The following WWOX variants were observed in gnomAD, a reference collection of about 807,000 sequenced individuals.
WWOX encodes WW domain containing oxidoreductase, also known as WW domain-containing oxidoreductase.
Under a neutral mutation model 46.2 loss-of-function variants are expected in WWOX, and 69 were observed. The observed-to-expected ratio is 1.49, with a 90% CI of 1.23 to 1.82. The LOEUF (loss-of-function observed/expected upper bound fraction) is 1.82. Among genes scored for constraint, WWOX ranks in the 40% most tolerant of loss-of-function variants. The pLI is 0.00. For missense variants in WWOX, 919 were observed against 542.6 expected (o/e 1.69, Z -6.89); for synonymous variants, 359 against 202.6 (o/e 1.77, Z -6.56).
intron 8 of WWOX, among the ~76,000 whole-genome samples, chr16:78,494,395 A>T (rs1273416568): frequency 6.6e-6 from 1 of 152,198 alleles, no homozygotes; most frequent in African/African-American, 2.4e-5. Flanking sequence ...AAAGTTGGCA[A>T]CCAGAGGCTT....
chr16:78,536,023 T>C (rs1406415513), intron 8 of WWOX, among the ~76,000 whole-genome samples: 1 of 152,238 alleles, frequency 6.6e-6, no homozygotes, highest in Non-Finnish European at 1.5e-5. Context: ...TAGTCTTGGC[T>C]GTGGGAGCCA....
At chr16:78,726,180 C>T (rs184215562) in intron 8 of WWOX, among the ~76,000 whole-genome samples, 4 of 145,324 alleles carry the variant, frequency 2.8e-5, no homozygotes, top group Non-Finnish European at 6.0e-5. Context: ...TCTTTTCTCT[C>T]TCTCTCTCTT....
At chr16:78,599,032 A>G (rs1235106951) in intron 8 of WWOX, among the ~76,000 whole-genome samples, 1 of 152,172 alleles carries the variant, frequency 6.6e-6, no homozygotes, top group African/African-American at 2.4e-5. Flanking sequence ...CTAAGTTTGA[A>G]CAATCAAACT....
At chr16:78,542,497 G>C (rs1005824467) in intron 8 of WWOX, among the ~76,000 whole-genome samples, 4 of 152,078 alleles carry the variant, frequency 2.6e-5, no homozygotes, top group Non-Finnish European at 4.4e-5. Flanking sequence ...AAAGCTGAGA[G>C]CAAACCACAT....
chr16:79,014,588 C>A (rs115764361), intron 8 of WWOX, among the ~76,000 whole-genome samples: 5,127 of 152,278 alleles, frequency 0.034, 306 homozygotes, highest in African/African-American at 0.12. Context: ...AACAACCCAA[C>A]TCCTAGCCAC....
chr16:78,437,658 A>T lies in WWOX; in HGVS notation c.1056+4906A>T, dbSNP rs553930269. Among the ~76,000 whole-genome samples the T allele has an allele frequency of 7.7e-4, 117 of 152,256 alleles. 1 individual carries two copies. Among genetic ancestry groups the T allele is most frequent in the South Asian group, 1.7e-3 (8 of 4,824 alleles). ...GTTTGTTTCTTCCTCCCTTCAATTT[A>T]TGGTGAAATAAAAATCACAGATAAA... is the stretch of plus-strand genomic sequence containing the variant. On this transcript the variant is annotated intron_variant, in intron 8 of 8. Transcript: ENST00000566780.
intron 8 of WWOX, among the ~76,000 whole-genome samples, chr16:78,622,266 G>C (rs2046207797): frequency 6.6e-6 from 1 of 151,966 alleles, no homozygotes; most frequent in African/African-American, 2.4e-5. Context: ...CTTGTGGCTG[G>C]TCGCAGTGGC....
At chr16:79,170,298 G>C (rs2050675342) in intron 8 of WWOX, among the ~76,000 whole-genome samples, 1 of 152,154 alleles carries the variant, frequency 6.6e-6, no homozygotes, top group Admixed American at 6.5e-5. Context: ...TGAGGAAATA[G>C]AGGATCAGAG....
intron 8 of WWOX, among the ~76,000 whole-genome samples, chr16:78,633,785 C>T (rs917450231): frequency 3.9e-5 from 6 of 152,218 alleles, no homozygotes; most frequent in South Asian, 2.1e-4. Context: ...CTGTGGTGTG[C>T]GGTGCAACCC....
intron 8 of WWOX, among the ~76,000 whole-genome samples, chr16:78,652,052 C>T (rs1241986568): frequency 6.6e-6 from 1 of 152,016 alleles, no homozygotes; most frequent in Non-Finnish European, 1.5e-5. Context: ...AAGGAAGTAC[C>T]TATGAGGCCT....
At chr16:78,106,747 G>A (rs976173627) in intron 1 of WWOX, among the ~76,000 whole-genome samples, 3 of 152,132 alleles carry the variant, frequency 2.0e-5, no homozygotes, top group Non-Finnish European at 4.4e-5. Flanking sequence ...AGTGATATTG[G>A]ATGGTGGTTG....
chr16:78,796,912 G>A lies in WWOX; in HGVS notation c.1056+364160G>A, dbSNP rs116668009. On this transcript the variant is annotated intron_variant, in intron 8 of 8. Transcript: ENST00000566780. ...GCGATCTCGGCTCACTGCAAATTCT[G>A]CCTGCTAAGATCAACTGATTCTCCT... 7.4e-3 allele frequency among the ~76,000 whole-genome samples: 1,106 copies of A among 149,854 alleles called. 19 individuals carry two copies. Among genetic ancestry groups the A allele is most frequent in the African/African-American group, 0.026 (1,044 of 40,620 alleles).
At chr16:78,975,218 A>T (rs910723643) in intron 8 of WWOX, among the ~76,000 whole-genome samples, 1 of 152,210 alleles carries the variant, frequency 6.6e-6, no homozygotes, top group South Asian at 2.1e-4. Context: ...CATCTGGTTC[A>T]AGGGTTCTCA....
chr16:78,643,378 C>G (rs1431500563), intron 8 of WWOX, among the ~76,000 whole-genome samples: 1 of 152,160 alleles, frequency 6.6e-6, no homozygotes, highest in African/African-American at 2.4e-5. Flanking sequence ...GTAACTGTTG[C>G]AAATTTCCAG....
chr16:79,061,104 A>G (rs1191358054), intron 8 of WWOX, among the ~76,000 whole-genome samples: 2 of 152,192 alleles, frequency 1.3e-5, no homozygotes, highest in Admixed American at 1.3e-4. Flanking sequence ...AGAGAGGTAC[A>G]TTGGGTGGCC....
At chr16:78,999,932 T>G (rs2047061655) in intron 8 of WWOX, among the ~76,000 whole-genome samples, 1 of 152,182 alleles carries the variant, frequency 6.6e-6, no homozygotes, top group South Asian at 2.1e-4. Context: ...TGAGAAAGCA[T>G]TGTGCCATAT....
At chr16:78,972,564 C>T (rs1322976483) in intron 8 of WWOX, among the ~76,000 whole-genome samples, 1 of 151,914 alleles carries the variant, frequency 6.6e-6, no homozygotes, top group Admixed American at 6.6e-5. Context: ...AATTTACCGT[C>T]ATCAGCAGGT....
chr16:78,099,706 A>C lies in WWOX; in HGVS notation c.-73A>C. 4 of 1,477,674 alleles carry C rather than the reference A, an allele frequency of 2.7e-6. No individual in the cohort carries two copies. Among genetic ancestry groups the C allele is most frequent in the Non-Finnish European group, 3.6e-6 (4 of 1,114,096 alleles). The allele number at this position is 1,477,674 out of a possible 1,614,324, so 91.5% of individuals were successfully genotyped here. On this transcript the variant is annotated 5_prime_UTR_variant, in exon 1 of 9. Transcript: ENST00000566780. ...CCCGACGCGCGCGGGTCTCGTTTGG[A>C]GCGGGAGTGAGTTCCTGAGCGAGTG...
At chr16:78,582,209 G>T (rs190468195) in intron 8 of WWOX, among the ~76,000 whole-genome samples, 1 of 152,182 alleles carries the variant, frequency 6.6e-6, no homozygotes, top group Non-Finnish European at 1.5e-5. Context: ...ATGTTCCTAA[G>T]TGGTCAATAC....
Sources: gnomAD v4.1 joint callset for allele counts (sites outside exome capture counted in the v4.1 genomes callset) on GRCh38, gnomAD v4.1.1 for gene constraint, MANE v1.5 for transcripts, NCBI Gene and HGNC (gene_info 2026-07-23, HGNC 2026-07-21) for gene names.